The following WWP2 variants were observed in gnomAD, a reference collection of about 807,000 sequenced individuals.
WWP2 encodes the protein WW domain containing E3 ubiquitin protein ligase 2, also known as NEDD4-like E3 ubiquitin-protein ligase WWP2.
WWP2 carries 57 observed loss-of-function variants against 121.0 expected under a neutral mutation model. The observed-to-expected ratio is 0.47, with a 90% CI of 0.38 to 0.59. The LOEUF is 0.59. Ranked by LOEUF, WWP2 falls within the 20% of genes least tolerant of loss-of-function variation. The pLI is 0.00. For synonymous variants in WWP2, 449 were observed against 441.3 expected (o/e 1.02, Z -0.22); for missense variants, 962 against 1,158.9 (o/e 0.83, Z 2.47).
At chr16:69,910,475 C>G in intron 9 of WWP2, 1 of 540,650 alleles carries the variant, frequency 1.8e-6, no homozygotes, top group Non-Finnish European at 2.3e-6. Flanking sequence ...GTGGTGCAAT[C>G]TCCAGCTCAC....
intron 4 of WWP2, among the ~76,000 whole-genome samples, chr16:69,829,778 G>T (rs1213818452): frequency 6.6e-6 from 1 of 152,036 alleles, no homozygotes; most frequent in Non-Finnish European, 1.5e-5. Context: ...TAATTGTAAC[G>T]TTCCTAAAAG....
Position 69,762,361 on chromosome 16 carries a change from G to C in WWP2, c.-46G>C, listed in dbSNP as rs2038624444. 1 of 151,648 alleles carries C rather than the reference G, an allele frequency of 6.6e-6. No individual in the cohort carries two copies. The highest frequency in any genetic ancestry group is 2.4e-5 in the African/African-American group (1 of 41,290). 9.4% of individuals were successfully genotyped at this position (151,648 alleles called of 1,614,324 possible). On this transcript the variant is annotated 5_prime_UTR_variant, in exon 1 of 24. Coordinates refer to ENST00000359154, the MANE Select transcript of WWP2 (RefSeq NM_001270454.2). ...GCGGTGGAAGGCGGAAGTAGGAGAG[G>C]AGTTCGGCGCCGCTTCTGTGGCCAC...
chr16:69,930,816 G>A (rs2058699951), intron 13 of WWP2, among the ~76,000 whole-genome samples: 4 of 152,176 alleles, frequency 2.6e-5, no homozygotes, highest in Non-Finnish European at 2.9e-5. Context: ...AGGCCGCAGT[G>A]AGCCATGATC....
rs376594037 is a variant in WWP2 at position 69,917,799 on chromosome 16, C to T, written c.1095C>T (p.Tyr365=). The T allele has an allele frequency of 2.2e-5, 36 of 1,613,970 alleles. No homozygotes were observed. Among genetic ancestry groups the T allele is most frequent in the African/African-American group, 2.7e-5 (2 of 74,946 alleles). The change falls in exon 10 of 24, where the codon TAC becomes TAT. Residue 365 remains tyrosine, a synonymous_variant. Coordinates refer to ENST00000359154, the MANE Select transcript of WWP2 (RefSeq NM_001270454.2). ...CCTGGCAGCGTCCGACCGCGGAGTA[C>T]GTGCGCAACTATGAGCAGTGGCAGT... The part of the protein sequence containing the change: ...TTTWQRPTAE[Y]VRNYEQWQSQ...
At position 69,915,064 on chromosome 16, in the gene WWP2, C is replaced by G. The variant is rs896256780; in HGVS notation, c.1005-2645C>G. 2.7e-4 allele frequency among the ~76,000 whole-genome samples: 41 copies of G among 152,200 alleles called. 2 individuals are homozygous for G. ...ACAGAGCGGGTGTGAGATGGACACACAACTGTCCCCGTCAGATGAGGGAGA... is the reference window on the plus strand; with the variant it reads ...ACAGAGCGGGTGTGAGATGGACACAGAACTGTCCCCGTCAGATGAGGGAGA... On this transcript the variant is annotated intron_variant, in intron 9 of 23. Transcript: ENST00000359154.
Position 69,931,228 on chromosome 16 carries a change from G to A in WWP2, c.1521+1G>A. On this transcript the variant is annotated splice_donor_variant, in intron 14 of 23. Transcript: ENST00000359154. LOFTEE classifies it high-confidence loss of function. ...TCACCAGTTCCGTTTCCTCTGCCAT[G>A]TGAGTTCTGGTACTGGGGCTCCCGT... 6.2e-7 allele frequency: 1 copy of A among 1,614,172 alleles called. No individual in the cohort carries two copies. The highest frequency in any genetic ancestry group is 8.5e-7 in the Non-Finnish European group (1 of 1,180,036).
At position 69,931,174 on chromosome 16, in the gene WWP2, G is replaced by T. The variant is rs759626310; in HGVS notation, c.1468G>T (p.Ala490Ser). 2.5e-6 allele frequency: 4 copies of T among 1,614,174 alleles called. No homozygotes were observed. In the East Asian group the frequency reaches 8.9e-5, roughly 36 times the overall value. ...ESGTKQGSPG[A>S]YDRSFRWKYH... ...TAGGACGAAGCAAGGTTCCCCTGGT[G>T]CTTATGACCGCAGTTTTCGGTGGAA... The change falls in exon 14 of 24, where the codon GCT becomes TCT. Residue 490 changes from alanine (A) to serine (S), a missense_variant. Around this residue, in one of 3 missense-constraint regions of WWP2, gnomAD observed 606 missense variants for 772.6 expected, o/e 0.78. Coordinates refer to ENST00000359154, the MANE Select transcript of WWP2 (RefSeq NM_001270454.2).
At chr16:69,789,361 C>G (rs2055860188) in intron 2 of WWP2, among the ~76,000 whole-genome samples, 2 of 152,176 alleles carry the variant, frequency 1.3e-5, no homozygotes, top group African/African-American at 4.8e-5. Flanking sequence ...TCCTCAGTAG[C>G]TGGGACTACA....
chr16:69,927,861 T>C (rs3762178), intron 11 of WWP2, among the ~76,000 whole-genome samples: 125,103 of 152,178 alleles, frequency 0.82, 51,821 homozygotes, highest in East Asian at 0.96. Context: ...GAAGTCTCGC[T>C]GTGTTGCCCA....
chr16:69,925,278 G>T lies in WWP2; in HGVS notation c.1180-152G>T. ...AACAAAAAACAGAGACTTTTGAGAG[G>T]AGCAGATGCCACCTAAAGTCCCACT... On this transcript the variant is annotated intron_variant, in intron 10 of 23. Transcript: ENST00000359154. The surrounding 1 kb of genome is among the most constrained non-coding windows in gnomAD (Gnocchi z 4.0). 6.8e-7 allele frequency: 1 copy of T among 1,470,026 alleles called. No individual in the cohort carries two copies. The highest frequency in any genetic ancestry group is 1.5e-5 in the South Asian group (1 of 65,688). 91.1% of individuals were successfully genotyped at this position (1,470,026 alleles called of 1,614,324 possible).
At chr16:69,883,188 G>A (rs979583781) in intron 7 of WWP2, among the ~76,000 whole-genome samples, 3 of 152,036 alleles carry the variant, frequency 2.0e-5, no homozygotes, top group Non-Finnish European at 2.9e-5. Context: ...AATTCTGTAA[G>A]GCATGATGGA....
At chr16:69,829,432 A>C (rs2056757446) in intron 4 of WWP2, among the ~76,000 whole-genome samples, 1 of 151,994 alleles carries the variant, frequency 6.6e-6, no homozygotes, top group Non-Finnish European at 1.5e-5. Context: ...TCCAGTGACC[A>C]CTCAGTCCTC....
At chr16:69,898,029 T>TTC (rs1555501273) in intron 8 of WWP2, among the ~76,000 whole-genome samples, 1 of 134,408 alleles carries the variant, frequency 7.4e-6, no homozygotes, top group East Asian at 2.0e-4. Flanking sequence ...CTTTCTTTCT[T>TTC]TTTTTTTTTT....
chr16:69,784,367 TG>T (rs1171970070), intron 1 of WWP2, among the ~76,000 whole-genome samples: 2 of 152,206 alleles, frequency 1.3e-5, no homozygotes, highest in Non-Finnish European at 2.9e-5. Context: ...CCCAGAGCGC[TG>T]GGAATACAGG....
At chr16:69,882,287 T>A (rs1047993164) in intron 7 of WWP2, among the ~76,000 whole-genome samples, 1 of 152,234 alleles carries the variant, frequency 6.6e-6, no homozygotes, top group Non-Finnish European at 1.5e-5. Context: ...GATATTGTTA[T>A]ACAAATGTCA....
chr16:69,869,326 T>C (rs1007629417), intron 6 of WWP2, among the ~76,000 whole-genome samples: 2 of 152,022 alleles, frequency 1.3e-5, no homozygotes, highest in Non-Finnish European at 2.9e-5. Flanking sequence ...CTCCAGAGTT[T>C]GCTACGTTTC....
chr16:69,860,943 G>C (rs1384669408), intron 6 of WWP2, among the ~76,000 whole-genome samples: 1 of 152,200 alleles, frequency 6.6e-6, no homozygotes, highest in African/African-American at 2.4e-5. Context: ...AGTAAAAGGA[G>C]GCAGTGAGTG....
At chr16:69,919,787 CT>C (rs1326246941) in intron 10 of WWP2, among the ~76,000 whole-genome samples, 4,143 of 124,354 alleles carry the variant, frequency 0.033, 134 homozygotes, top group African/African-American at 0.11. Context: ...GGGTCCCTGA[CT>C]TTTTTTTTTT....
At chr16:69,838,151 C>T (rs1241714786) in intron 4 of WWP2, among the ~76,000 whole-genome samples, 1 of 152,198 alleles carries the variant, frequency 6.6e-6, no homozygotes, top group Middle Eastern at 3.4e-3. Context: ...CACAGGAAGT[C>T]AACAGGGAGA....
Sources: allele counts gnomAD v4.1 joint callset (sites outside exome capture counted in the v4.1 genomes callset), GRCh38; gene constraint gnomAD v4.1.1; regional missense constraint gnomAD v4.1.1; non-coding constraint Gnocchi (gnomAD v3.1); transcripts MANE v1.5; gene names NCBI Gene and HGNC (gene_info 2026-07-23, HGNC 2026-07-21).